Variants in TACC3 observed in about 807,000 individuals in gnomAD.
The protein encoded by TACC3 is transforming acidic coiled-coil-containing protein 3.
In TACC3, 52 loss-of-function variants were observed where a neutral mutation model predicts 86.0. The observed-to-expected ratio is 0.60, with a 90% CI of 0.48 to 0.76. The LOEUF is 0.76. Ranked by LOEUF, TACC3 falls within the 30% of genes least tolerant of loss-of-function variation. The pLI, the probability that TACC3 is intolerant of heterozygous loss-of-function variation, is 0.00. For synonymous variants in TACC3, 512 were observed against 430.0 expected (o/e 1.19, Z -2.36); for missense variants, 1,120 against 1,070.4 (o/e 1.05, Z -0.65).
intron 10 of TACC3, 58 bp from the exon 11 acceptor site, chr4:1,739,644 G>C: frequency 1.3e-6 from 2 of 1,500,978 alleles, no homozygotes; most frequent in Non-Finnish European, 1.8e-6. Context: ...CCTGTGGGGA[G>C]GTCCTGGGAG....
At chr4:1,727,659 A>G in intron 3 of TACC3, 49 bp from the exon 4 acceptor site, 1 of 1,535,242 alleles carries the variant, frequency 6.5e-7, no homozygotes, top group Admixed American at 2.0e-5. Flanking sequence ...GAGGCCCCTA[A>G]CCTCACCAGG....
intron 13 of TACC3, 172 bp downstream of exon 13, chr4:1,741,158 G>A: frequency 1.7e-6 from 1 of 588,036 alleles, no homozygotes. Flanking sequence ...TCACAGCATA[G>A]CTGGTTTGCG....
intron 12 of TACC3, 148 bp from the exon 13 acceptor site, chr4:1,740,678 G>T: frequency 1.5e-6 from 1 of 680,002 alleles, no homozygotes. Flanking sequence ...GATCCTGGGT[G>T]GAGGGACCCA....
chr4:1,727,787 C>T lies in TACC3; in HGVS notation c.385C>T (p.Leu129=). The T allele has an allele frequency of 6.2e-7, 1 of 1,613,088 alleles. No homozygotes were observed. Among genetic ancestry groups the T allele is most frequent in the Non-Finnish European group, 8.5e-7 (1 of 1,179,856 alleles). Residue 129 remains leucine (L), a synonymous_variant, in exon 4 of 16, where the codon CTG becomes TTG. Transcript: ENST00000313288. ...QKPVEADTDL[L]GDASPAFGSG... ...ACCAGTGGAGGCTGACACCGACCTC[C>T]TGGGGGATGCAAGCCCAGCCTTTGG...
intron 12 of TACC3, chr4:1,740,365 C>T (rs569396483): frequency 5.9e-5 from 24 of 405,338 alleles, no homozygotes; most frequent in South Asian, 5.4e-4. Context: ...TCTGGCAGGA[C>T]GGGAACACCA....
chr4:1,744,724 G>T lies in TACC3; in HGVS notation c.2343G>T (p.Glu781Asp). Residue 781 changes from glutamate to aspartate, a missense_variant, in exon 15 of 16, where the codon GAG becomes GAT. Coordinates refer to ENST00000313288, the MANE Select transcript of TACC3 (RefSeq NM_006342.3). ...AEEKLQLANE[E>D]IAQVRSKAQA... is the part of the protein sequence containing the mutation. Reference sequence around the variant, plus strand: ...CCTACCCCTCCAGGGCAAACGAGGAGATCGCCCAGGTCCGGAGCAAGGCCC... The same window carrying T: ...CCTACCCCTCCAGGGCAAACGAGGATATCGCCCAGGTCCGGAGCAAGGCCC... 1.2e-6 allele frequency: 2 copies of T among 1,612,636 alleles called. No individual in the cohort carries two copies. The highest frequency in any genetic ancestry group is 1.7e-6 in the Non-Finnish European group (2 of 1,179,958).
chr4:1,736,859 G>A (rs997578240), intron 8 of TACC3, among the ~76,000 whole-genome samples: 10 of 151,936 alleles, frequency 6.6e-5, no homozygotes, highest in Non-Finnish European at 8.8e-5. Flanking sequence ...GCAGGGAGCC[G>A]AGATCATGCC....
chr4:1,730,847 G>A (rs1553827390), intron 4 of TACC3, 40 bp from the exon 5 acceptor site: 1 of 1,053,778 alleles, frequency 9.5e-7, no homozygotes, highest in Non-Finnish European at 1.3e-6. Flanking sequence ...CGGGGTTATG[G>A]GGTGGGGGGC....
At position 1,735,252 on chromosome 4, in the gene TACC3, G is replaced by A. The variant is rs372562178; in HGVS notation, c.1592-21G>A. On this transcript the variant is annotated intron_variant, in intron 6 of 15. Transcript: ENST00000313288. The surrounding 1 kb of genome is among the most constrained non-coding windows in gnomAD (Gnocchi z 4.2). ...GGCCCTGGTGAGGGGCGATGGCGGCGGCATGATTCACTCCTCTCAGTTCTA... is the reference window on the plus strand; with the variant it reads ...GGCCCTGGTGAGGGGCGATGGCGGCAGCATGATTCACTCCTCTCAGTTCTA... 5.6e-6 allele frequency: 9 copies of A among 1,613,670 alleles called. No individual in the cohort carries two copies. Among genetic ancestry groups the A allele is most frequent in the Middle Eastern group, 1.6e-4 (1 of 6,082 alleles).
chr4:1,724,629 G>A (rs1008717131), intron 3 of TACC3, among the ~76,000 whole-genome samples: 1 of 152,018 alleles, frequency 6.6e-6, no homozygotes, highest in African/African-American at 2.4e-5. Flanking sequence ...CCTAGAAAGG[G>A]AGGATCCTGG....
In TACC3 at chr4:1,731,262, T is replaced by A; in HGVS notation, c.1552T>A (p.Leu518Met). The A allele has an allele frequency of 6.2e-7, 1 of 1,613,326 alleles. No individual in the cohort carries two copies. Reference protein sequence around the residue: ...VPTHQQGQPALELKEESFRDP... With the variant: ...VPTHQQGQPAMELKEESFRDP... The stretch of plus-strand genomic sequence containing the variant: ...CACCCATCAGCAGGGGCAGCCTGCC[T>A]TGGAGCTGAAAGAGGAGAGCTTCAG... The change falls in exon 6 of 16, where the codon TTG (leucine) becomes ATG (methionine). Residue 518 changes from leucine to methionine, a missense_variant. Coordinates refer to ENST00000313288, the MANE Select transcript of TACC3 (RefSeq NM_006342.3).
intron 1 of TACC3, chr4:1,721,931 T>C (rs577717898): frequency 6.6e-6 from 1 of 152,228 alleles, no homozygotes; most frequent in Non-Finnish European, 1.5e-5. Flanking sequence ...TTTGCTCTCC[T>C]CGACCCTCTC....
Position 1,737,345 on chromosome 4 carries a change from C to A in TACC3, c.1836+17C>A, listed in dbSNP as rs746063769. The A allele has an allele frequency of 6.2e-6, 10 of 1,608,680 alleles. No individual in the cohort carries two copies. In the South Asian group the frequency reaches 1.1e-4, roughly 18 times the overall value. On this transcript the variant is annotated intron_variant, in intron 9 of 15. Coordinates refer to ENST00000313288, the MANE Select transcript of TACC3 (RefSeq NM_006342.3). ...GACATTCCTGTAAGTCCTTGAGTCC[C>A]TCTTGAACTGTCTTGTGTGTGGTCT...
At chr4:1,741,196 G>C in intron 13 of TACC3, 2 of 482,116 alleles carry the variant, frequency 4.1e-6, no homozygotes, top group East Asian at 3.5e-5. Context: ...AGGAGGCAGA[G>C]TGAGCAGGGA....
chr4:1,731,614 T>G lies in TACC3; in HGVS notation c.1591+313T>G, dbSNP rs538995508. On this transcript the variant is annotated intron_variant, in intron 6 of 15. Coordinates refer to ENST00000313288, the MANE Select transcript of TACC3 (RefSeq NM_006342.3). ...GTAGAGTCAACAACTGGATACTCGA[T>G]CATCAGAAATACTGCTTGAAACGAC... is the stretch of plus-strand genomic sequence containing the variant. Among the ~76,000 whole-genome samples, 62 of 152,256 alleles carry G rather than the reference T, an allele frequency of 4.1e-4. No individual in the cohort carries two copies. The South Asian group carries it at 0.012, about 31-fold the overall frequency.
chr4:1,723,332 C>A, intron 1 of TACC3, 89 bp from the exon 2 acceptor site: 1 of 1,376,798 alleles, frequency 7.3e-7, no homozygotes, highest in South Asian at 1.3e-5. Context: ...GGGAAGTGGT[C>A]GTGCCCCTTG....
chr4:1,736,014 A>G (rs985781127), intron 8 of TACC3, among the ~76,000 whole-genome samples, 180 bp downstream of exon 8: 1 of 152,228 alleles, frequency 6.6e-6, no homozygotes, highest in African/African-American at 2.4e-5. Flanking sequence ...TGTGTCTGGC[A>G]GGAGCAACGG....
At chr4:1,744,045 G>C (rs1230183292) in intron 13 of TACC3, among the ~76,000 whole-genome samples, 2 of 152,122 alleles carry the variant, frequency 1.3e-5, no homozygotes, top group African/African-American at 4.8e-5. Context: ...CCTCAGTTAG[G>C]GCTTCTCAGT....
At chr4:1,738,335 GTGT>G (rs930688291) in intron 10 of TACC3, 5 of 210,222 alleles carry the variant, frequency 2.4e-5, no homozygotes, top group African/African-American at 9.2e-5. Context: ...ATCCACACCA[GTGT>G]TGTTCACAGT....
Sources: gnomAD v4.1 joint callset for allele counts (sites outside exome capture counted in the v4.1 genomes callset) on GRCh38, gnomAD v4.1.1 for gene constraint, Gnocchi (gnomAD v3.1) non-coding constraint, MANE v1.5 for transcripts, NCBI Gene and HGNC (gene_info 2026-07-23, HGNC 2026-07-21) for gene names.